ACOXL: variants seen among roughly 807,000 people sequenced by gnomAD.
ACOXL encodes the protein acyl-coenzyme A oxidase-like protein.
A neutral mutation model predicts 71.9 loss-of-function variants in ACOXL; 70 were observed. That is an observed-to-expected ratio of 0.97 (90% confidence interval 0.80 to 1.19). The LOEUF (loss-of-function observed/expected upper bound fraction) is 1.19, where lower values mean the gene tolerates loss of function less well. ACOXL is among the 50% of genes most tolerant of loss of function. The pLI is 0.00. For missense variants in ACOXL, 703 were observed against 736.3 expected, an observed-to-expected ratio of 0.95 and a Z score of 0.52; for synonymous variants, 253 against 281.6, an observed-to-expected ratio of 0.90 and a Z score of 1.02.
intron 10 of ACOXL, chr2:110,887,205 T>A (rs959371863): frequency 1.3e-5 from 3 of 226,064 alleles, no homozygotes. Flanking sequence ...AATTGGCTTC[T>A]ATTACACAAT....
In ACOXL at chr2:110,794,141, C is replaced by T; in HGVS notation, c.312C>T (p.Ile104=). 1.2e-6 allele frequency: 2 copies of T among 1,614,148 alleles called. No homozygotes were observed. The highest frequency in any genetic ancestry group is 1.7e-6 in the Non-Finnish European group (2 of 1,180,000). The change falls in exon 5 of 18, where the codon ATC becomes ATT. Residue 104 remains isoleucine, a synonymous_variant. Transcript: ENST00000439055. Reference sequence around the variant, plus strand: ...GCCATGGGAGCAACGCGAGAGGGATCCAGACCGAAGCCACCTTTGACCTCT... The same window carrying T: ...GCCATGGGAGCAACGCGAGAGGGATTCAGACCGAAGCCACCTTTGACCTCT... ...ERGHGSNARG[I]QTEATFDLSA...
At chr2:110,863,243 T>G (rs776786143) in intron 10 of ACOXL, among the ~76,000 whole-genome samples, 2 of 152,222 alleles carry the variant, frequency 1.3e-5, no homozygotes, top group Non-Finnish European at 2.9e-5. Flanking sequence ...TGATGGAATA[T>G]TATATAACCA....
At chr2:110,939,941 A>G (rs1410849653) in intron 12 of ACOXL, among the ~76,000 whole-genome samples, 1 of 152,194 alleles carries the variant, frequency 6.6e-6, no homozygotes, top group African/African-American at 2.4e-5. Context: ...AGGTTAAACC[A>G]ATTTCCACTC....
chr2:110,830,871 A>G (rs1278032209), intron 9 of ACOXL, among the ~76,000 whole-genome samples: 1 of 152,180 alleles, frequency 6.6e-6, no homozygotes, highest in Non-Finnish European at 1.5e-5. Flanking sequence ...GATAGAGAAG[A>G]AGTTAAGAAA....
intron 1 of ACOXL, among the ~76,000 whole-genome samples, chr2:110,746,023 T>C (rs142975052): frequency 2.0e-5 from 3 of 152,312 alleles, no homozygotes; most frequent in Non-Finnish European, 2.9e-5. Flanking sequence ...GTATCTCTTC[T>C]CTTTAAGTCT....
In ACOXL at chr2:110,908,839, A is replaced by C; in HGVS notation, c.839A>C (p.His280Pro). Residue 280 changes from histidine to proline, a missense_variant, in exon 11 of 18, where the codon CAC (histidine) becomes CCC (proline). By Grantham distance (77) the His-to-Pro change is moderately conservative. Coordinates refer to ENST00000439055, the MANE Select transcript of ACOXL (RefSeq NM_001142807.4). ...AAGGAAGAGGTGAAGATCATTGAGC[A>C]CCAAACACAGACCCTGCGGCTGATG... The part of the protein sequence containing the change: ...KTKEEVKIIE[H>P]QTQTLRLMPH... The C allele has an allele frequency of 6.2e-7, 1 of 1,614,182 alleles. No homozygotes were observed. Among genetic ancestry groups the C allele is most frequent in the Non-Finnish European group, 8.5e-7 (1 of 1,180,016 alleles).
intron 15 of ACOXL, among the ~76,000 whole-genome samples, chr2:111,046,063 T>C (rs1452374434): frequency 1.3e-5 from 2 of 152,166 alleles, no homozygotes; most frequent in Non-Finnish European, 2.9e-5. Context: ...TAGAGACTGA[T>C]TGGGAAGGAA....
chr2:110,744,795 G>A (rs533310798), intron 1 of ACOXL, among the ~76,000 whole-genome samples: 9 of 152,280 alleles, frequency 5.9e-5, no homozygotes, highest in Non-Finnish European at 1.2e-4. Flanking sequence ...GCTTACTTGC[G>A]AGATCTGTCA....
At chr2:110,977,728 G>A (rs941881822) in intron 12 of ACOXL, among the ~76,000 whole-genome samples, 1 of 152,132 alleles carries the variant, frequency 6.6e-6, no homozygotes, top group Admixed American at 6.5e-5. Context: ...CTGGATCAGG[G>A]GCCTTTGCTT....
intron 9 of ACOXL, among the ~76,000 whole-genome samples, chr2:110,813,418 G>C (rs1465620816): frequency 6.6e-6 from 1 of 152,142 alleles, no homozygotes; most frequent in Non-Finnish European, 1.5e-5. Context: ...GCCTCTGCTT[G>C]GGAGAGGCTT....
chr2:110,945,548 A>G (rs1042317357), intron 12 of ACOXL, among the ~76,000 whole-genome samples: 1 of 152,146 alleles, frequency 6.6e-6, no homozygotes, highest in African/African-American at 2.4e-5. Flanking sequence ...TCCAGTTCCA[A>G]TCTTCTGCAT....
chr2:110,784,856 C>T lies in ACOXL; in HGVS notation c.159+41C>T, dbSNP rs111623296. ...CACCTGCCCTTCATGAATGCATGCT[C>T]GCTTTGCATGCCAAGGAATGAAAAC... is the stretch of plus-strand genomic sequence containing the variant. On this transcript the variant is annotated intron_variant, in intron 3 of 17. Transcript: ENST00000439055. The T allele has an allele frequency of 2.5e-3, 3,835 of 1,528,794 alleles. 87 individuals carry two copies. The African/African-American group carries it at 0.049, about 19-fold the overall frequency. 94.7% of individuals were successfully genotyped at this position (1,528,794 alleles called of 1,614,324 possible). A position where few individuals can be genotyped will look rare whatever the true frequency, so the allele number is the denominator to read the frequency against.
At chr2:111,041,196 C>T (rs1192271633) in intron 15 of ACOXL, among the ~76,000 whole-genome samples, 3 of 152,102 alleles carry the variant, frequency 2.0e-5, no homozygotes, top group African/African-American at 7.2e-5. Flanking sequence ...CATGCAGATG[C>T]CGAGACAGGC....
intron 2 of ACOXL, among the ~76,000 whole-genome samples, chr2:110,783,211 G>T (rs754398231): frequency 1.3e-5 from 2 of 152,134 alleles, no homozygotes; most frequent in African/African-American, 2.4e-5. Context: ...TTAGCCTCCC[G>T]TGTAGGGTTG....
At chr2:110,876,998 G>A (rs1695998364) in intron 10 of ACOXL, among the ~76,000 whole-genome samples, 1 of 152,148 alleles carries the variant, frequency 6.6e-6, no homozygotes, top group Non-Finnish European at 1.5e-5. Context: ...CCCCATCCAT[G>A]CTCTGGTGGC....
intron 12 of ACOXL, among the ~76,000 whole-genome samples, chr2:110,982,241 C>T (rs1316416218): frequency 6.6e-6 from 1 of 152,128 alleles, no homozygotes; most frequent in African/African-American, 2.4e-5. Flanking sequence ...CTGCAACCTC[C>T]ACCTCCCGGG....
chr2:110,893,926 A>G (rs1533296), intron 10 of ACOXL, among the ~76,000 whole-genome samples: 45,167 of 151,998 alleles, frequency 0.3, 7,138 homozygotes, highest in Non-Finnish European at 0.35. Flanking sequence ...AAAGGGAGAA[A>G]ATATGACATA....
At chr2:110,800,786 T>A (rs538909835) in intron 7 of ACOXL, among the ~76,000 whole-genome samples, 2 of 152,150 alleles carry the variant, frequency 1.3e-5, no homozygotes, top group African/African-American at 4.8e-5. Flanking sequence ...TTTAGATGTA[T>A]CTCCCGGGGG....
intron 1 of ACOXL, among the ~76,000 whole-genome samples, chr2:110,759,913 A>G (rs1680165203): frequency 6.6e-6 from 1 of 152,028 alleles, no homozygotes; most frequent in Non-Finnish European, 1.5e-5. Flanking sequence ...GGTTCTGTAA[A>G]TTAAAAAAAT....
Sources: allele counts gnomAD v4.1 joint callset (sites outside exome capture counted in the v4.1 genomes callset), GRCh38; gene constraint gnomAD v4.1.1; transcripts MANE v1.5; gene names NCBI Gene and HGNC (gene_info 2026-07-23, HGNC 2026-07-21).